Variants in RABGAP1L observed in about 807,000 individuals in gnomAD.
RABGAP1L encodes RAB GTPase activating protein 1 like, also known as rab GTPase-activating protein 1-like.
Under a neutral mutation model 137.7 loss-of-function variants are expected in RABGAP1L, and 63 were observed. The observed-to-expected ratio is 0.46, with a 90% CI of 0.37 to 0.56. The LOEUF (loss-of-function observed/expected upper bound fraction) is 0.56, where lower values mean the gene tolerates loss of function less well. Among genes scored for constraint, RABGAP1L ranks in the 20% least tolerant of loss-of-function variants. RABGAP1L has a pLI of 0.00. For missense variants in RABGAP1L, 1,095 were observed against 1,244.0 expected (o/e 0.88, Z 1.80); for synonymous variants, 431 against 433.7 (o/e 0.99, Z 0.08).
At chr1:174,529,332 G>T (rs555866016) in intron 13 of RABGAP1L, among the ~76,000 whole-genome samples, 1 of 152,202 alleles carries the variant, frequency 6.6e-6, no homozygotes, top group East Asian at 1.9e-4. Context: ...TATGATGTTG[G>T]TTTTTTAGGA....
intron 19 of RABGAP1L, among the ~76,000 whole-genome samples, chr1:174,940,693 C>T (rs182311344): frequency 5.8e-4 from 89 of 152,344 alleles, no homozygotes; most frequent in Non-Finnish European, 1.0e-3. Flanking sequence ...GATCTCTTCA[C>T]ATCATTGTGA....
chr1:174,841,632 T>TATTA (rs1410190681), intron 19 of RABGAP1L, among the ~76,000 whole-genome samples: 1 of 151,974 alleles, frequency 6.6e-6, no homozygotes, highest in Non-Finnish European at 1.5e-5. Context: ...AAAAATATGA[T>TATTA]ATTAAGTTTA....
At chr1:174,532,316 C>G (rs1033892512) in intron 13 of RABGAP1L, among the ~76,000 whole-genome samples, 1 of 151,834 alleles carries the variant, frequency 6.6e-6, no homozygotes, top group Non-Finnish European at 1.5e-5. Flanking sequence ...TCGAGCAAGT[C>G]TCCTGCCTCA....
chr1:174,695,532 A>C (rs1362637074), intron 15 of RABGAP1L, among the ~76,000 whole-genome samples: 2 of 152,128 alleles, frequency 1.3e-5, no homozygotes, highest in Non-Finnish European at 2.9e-5. Context: ...TCTTGAAGTC[A>C]TTGAGCTTCC....
chr1:174,809,385 G>A (rs528070964), intron 18 of RABGAP1L, among the ~76,000 whole-genome samples: 151 of 152,298 alleles, frequency 9.9e-4, no homozygotes, highest in African/African-American at 3.4e-3. Context: ...CCTCTCTTAA[G>A]CAGCATCTCT....
At chr1:174,404,965 C>T (rs1454965372) in intron 13 of RABGAP1L, among the ~76,000 whole-genome samples, 2 of 152,154 alleles carry the variant, frequency 1.3e-5, no homozygotes, top group African/African-American at 4.8e-5. Flanking sequence ...TGCATTTATT[C>T]ACATCAGATT....
Position 174,586,316 on chromosome 1 carries a change from G to A in RABGAP1L, c.1711-51059G>A, listed in dbSNP as rs144870683. Among the ~76,000 whole-genome samples, 158 of 147,436 alleles carry A rather than the reference G, an allele frequency of 1.1e-3. 1 individual carries two copies. The East Asian group carries it at 0.024, about 22-fold the overall frequency. On this transcript the variant is annotated intron_variant, in intron 13 of 25. Coordinates refer to ENST00000681986, the MANE Select transcript of RABGAP1L (RefSeq NM_001366446.1). The stretch of plus-strand genomic sequence containing the variant: ...TCGTGAACAGAAAACCAAACACCTC[G>A]TGTTGTAAGTAGGAGCTGAACAATG...
At chr1:174,421,314 A>G (rs1255523958) in intron 13 of RABGAP1L, among the ~76,000 whole-genome samples, 1 of 152,218 alleles carries the variant, frequency 6.6e-6, no homozygotes, top group Non-Finnish European at 1.5e-5. Flanking sequence ...TTCCTAGGCA[A>G]CAACAGCTTT....
rs547591166 is a variant in RABGAP1L, at chr1:174,929,364, A to G, written c.2341-28093A>G. Among the ~76,000 whole-genome samples, 3 of 152,330 alleles carry G rather than the reference A, an allele frequency of 2.0e-5. 1 individual carries two copies. The highest frequency in any genetic ancestry group is 7.2e-5 in the African/African-American group (3 of 41,582). ...TGGTTTATTTACTACTGTCTTCCTCACTTTCAACTGTCAGCATTGAAGGAT... is the reference window on the plus strand; with the variant it reads ...TGGTTTATTTACTACTGTCTTCCTCGCTTTCAACTGTCAGCATTGAAGGAT... On this transcript the variant is annotated intron_variant, in intron 19 of 25. Transcript: ENST00000681986.
At position 174,968,205 on chromosome 1, in the gene RABGAP1L, C is replaced by T. The variant is rs192610667; in HGVS notation, c.2434-1072C>T. ...CTGGTATGCTATGATAAACTATCTT[C>T]CAAAACATATATTTGTCTTCTAGTT... On this transcript the variant is annotated intron_variant, in intron 20 of 25. Coordinates refer to ENST00000681986, the MANE Select transcript of RABGAP1L (RefSeq NM_001366446.1). 2.9e-3 allele frequency among the ~76,000 whole-genome samples: 440 copies of T among 152,294 alleles called. 7 individuals carry two copies. Among genetic ancestry groups the T allele is most frequent in the Non-Finnish European group, 2.6e-3 (180 of 68,020 alleles).
At position 174,990,164 on chromosome 1, in the gene RABGAP1L, CTATT is replaced by C. The variant is rs1671965238; in HGVS notation, c.*166_*169del. On this transcript the variant is annotated 3_prime_UTR_variant, in exon 26 of 26. Coordinates refer to ENST00000681986, the MANE Select transcript of RABGAP1L (RefSeq NM_001366446.1). The stretch of plus-strand genomic sequence containing the variant: ...TTGTATGACACTTTTCAAAGGGATG[CTATT>C]TAAACTGACCTGTTCTATGTTGAAT... The C allele has an allele frequency of 1.1e-6, 1 of 892,664 alleles. No individual in the cohort carries two copies. The highest frequency in any genetic ancestry group is 1.7e-6 in the Non-Finnish European group (1 of 604,214). The allele number at this position is 892,664 out of a possible 1,614,324, so 55.3% of individuals were successfully genotyped here.
At chr1:174,466,134 TCTCAC>T (rs1474447609) in intron 13 of RABGAP1L, among the ~76,000 whole-genome samples, 1 of 152,190 alleles carries the variant, frequency 6.6e-6, no homozygotes, top group Admixed American at 6.5e-5. Context: ...TAGGTCTAGA[TCTCAC>T]CTGTTTGGAA....
chr1:174,541,230 C>T (rs149350198), intron 13 of RABGAP1L, among the ~76,000 whole-genome samples: 5,286 of 152,266 alleles, frequency 0.035, 122 homozygotes, highest in Middle Eastern at 0.088. Context: ...ATCATGTCAT[C>T]TGTAAACAGG....
intron 4 of RABGAP1L, among the ~76,000 whole-genome samples, 174 bp downstream of exon 4, chr1:174,231,529 G>T (rs915632699): frequency 9.2e-5 from 14 of 152,116 alleles, no homozygotes; most frequent in African/African-American, 2.7e-4. Flanking sequence ...TTGAACAATT[G>T]TATTAGTCTA....
intron 10 of RABGAP1L, among the ~76,000 whole-genome samples, chr1:174,283,786 C>T (rs1441664090): frequency 2.6e-5 from 4 of 152,194 alleles, no homozygotes; most frequent in East Asian, 1.9e-4. Flanking sequence ...GGATTATAGG[C>T]GTGAGCCACT....
chr1:174,667,487 TAGGA>T (rs1431857341), intron 14 of RABGAP1L, among the ~76,000 whole-genome samples: 9 of 152,196 alleles, frequency 5.9e-5, no homozygotes, highest in Non-Finnish European at 1.0e-4. Flanking sequence ...TTGCATCTCA[TAGGA>T]CTTGTGAGAT....
chr1:174,928,238 T>G (rs1663158555), intron 19 of RABGAP1L, among the ~76,000 whole-genome samples: 1 of 152,158 alleles, frequency 6.6e-6, no homozygotes, highest in Non-Finnish European at 1.5e-5. Context: ...CCAAGCCTTA[T>G]CTACCTCCAT....
At chr1:174,583,899 G>A (rs1009212112) in intron 13 of RABGAP1L, among the ~76,000 whole-genome samples, 1 of 152,222 alleles carries the variant, frequency 6.6e-6, no homozygotes, top group Non-Finnish European at 1.5e-5. Context: ...CATCACAATT[G>A]TGGTGGGTTA....
At chr1:174,375,962 G>A (rs894035744) in intron 12 of RABGAP1L, among the ~76,000 whole-genome samples, 7 of 152,032 alleles carry the variant, frequency 4.6e-5, no homozygotes, top group African/African-American at 7.2e-5. Flanking sequence ...CAGCTACCCG[G>A]GAGGCTGAGG....
Sources: gnomAD v4.1 joint callset for allele counts (sites outside exome capture counted in the v4.1 genomes callset) on GRCh38, gnomAD v4.1.1 for gene constraint, MANE v1.5 for transcripts, NCBI Gene and HGNC (gene_info 2026-07-23, HGNC 2026-07-21) for gene names.